Variants in LUZP2 observed in about 807,000 individuals in gnomAD.
LUZP2 encodes leucine zipper protein 2.
LUZP2 carries 52 observed loss-of-function variants against 51.6 expected under a neutral mutation model. The ratio of observed to expected loss-of-function variants is 1.01; its 90% CI spans 0.81 to 1.27. LUZP2 has a LOEUF of 1.27. Ranked by LOEUF, LUZP2 falls within the 50% of genes most tolerant of loss-of-function variation. The probability of loss-of-function intolerance (pLI) is 0.00; values close to 1 mark genes in which losing one functional copy is unlikely to be tolerated. For missense variants in LUZP2, 436 were observed against 395.4 expected (o/e 1.10, Z -0.87); for synonymous variants, 154 against 137.3 (o/e 1.12, Z -0.85).
intron 1 of LUZP2, among the ~76,000 whole-genome samples, chr11:24,704,691 A>G (rs1361079241): frequency 2.0e-5 from 3 of 152,136 alleles, no homozygotes; most frequent in Non-Finnish European, 4.4e-5. Context: ...GTTCAAATTC[A>G]TACATATACT....
intron 6 of LUZP2, among the ~76,000 whole-genome samples, chr11:24,909,857 G>A (rs991118710): frequency 3.9e-5 from 6 of 152,148 alleles, no homozygotes; most frequent in Non-Finnish European, 8.8e-5. Flanking sequence ...ACCTGAAAAT[G>A]TGGAAGCGAC....
chr11:24,934,810 A>C (rs1402052653), intron 7 of LUZP2, among the ~76,000 whole-genome samples: 1 of 152,134 alleles, frequency 6.6e-6, no homozygotes, highest in African/African-American at 2.4e-5. Context: ...TCATTCTCAT[A>C]TTTGAAGTAG....
intron 6 of LUZP2, among the ~76,000 whole-genome samples, chr11:24,910,008 T>A (rs1242532784): frequency 2.0e-5 from 3 of 152,084 alleles, no homozygotes; most frequent in Non-Finnish European, 4.4e-5. Context: ...GACAATGAAG[T>A]CCAGGCTGAG....
At chr11:25,048,452 TG>T (rs1468088371) in intron 9 of LUZP2, among the ~76,000 whole-genome samples, 4 of 152,196 alleles carry the variant, frequency 2.6e-5, no homozygotes, top group Non-Finnish European at 4.4e-5. Flanking sequence ...GAGTTACTTA[TG>T]TGAATAACAA....
At chr11:24,930,291 G>A (rs993616150) in intron 7 of LUZP2, among the ~76,000 whole-genome samples, 70 of 151,494 alleles carry the variant, frequency 4.6e-4, no homozygotes, top group Non-Finnish European at 6.6e-4. Context: ...GCCTGAATAC[G>A]TTTTTTTTCA....
At chr11:25,044,249 G>GTA (rs1858211221) in intron 9 of LUZP2, among the ~76,000 whole-genome samples, 1 of 70,512 alleles carries the variant, frequency 1.4e-5, no homozygotes, top group South Asian at 5.1e-4. Flanking sequence ...GTGTGTGTGT[G>GTA]TGTGTGTGTA....
At chr11:24,765,471 T>A (rs1367655780) in intron 5 of LUZP2, among the ~76,000 whole-genome samples, 1 of 152,122 alleles carries the variant, frequency 6.6e-6, no homozygotes, top group Non-Finnish European at 1.5e-5. Context: ...CATAAAGGGA[T>A]CCTGGATTTT....
intron 9 of LUZP2, among the ~76,000 whole-genome samples, chr11:25,023,397 C>A (rs2133977928): frequency 6.6e-6 from 1 of 152,148 alleles, no homozygotes; most frequent in East Asian, 1.9e-4. Flanking sequence ...AGGAATTTAA[C>A]CATTTCTTCT....
At chr11:24,805,995 A>G (rs1299945163) in intron 5 of LUZP2, among the ~76,000 whole-genome samples, 1 of 152,178 alleles carries the variant, frequency 6.6e-6, no homozygotes, top group Non-Finnish European at 1.5e-5. Context: ...CCTGTTGCAA[A>G]GAAATGTAGG....
intron 5 of LUZP2, among the ~76,000 whole-genome samples, chr11:24,854,495 T>C (rs1199189892): frequency 6.6e-6 from 1 of 152,164 alleles, no homozygotes; most frequent in African/African-American, 2.4e-5. Flanking sequence ...TACCAGGTTG[T>C]CTTCAGACTG....
intron 9 of LUZP2, among the ~76,000 whole-genome samples, chr11:25,024,969 C>T (rs1316508745): frequency 1.3e-5 from 2 of 151,308 alleles, no homozygotes. Context: ...TGGAACAGAA[C>T]AGAGCCCTCA....
intron 5 of LUZP2, among the ~76,000 whole-genome samples, chr11:24,843,058 G>A (rs1003016489): frequency 6.6e-6 from 1 of 151,796 alleles, no homozygotes; most frequent in Non-Finnish European, 1.5e-5. Context: ...GAGGATGTAA[G>A]TGCAAATGCC....
At chr11:24,598,155 AG>A (rs1207574240) in intron 1 of LUZP2, among the ~76,000 whole-genome samples, 1 of 151,912 alleles carries the variant, frequency 6.6e-6, no homozygotes. Flanking sequence ...TGTGCCCTGT[AG>A]ATAACAAAAT....
At chr11:24,728,021 A>G (rs1276499872) in intron 1 of LUZP2, among the ~76,000 whole-genome samples, 2 of 152,048 alleles carry the variant, frequency 1.3e-5, no homozygotes, top group Admixed American at 6.6e-5. Context: ...TTAATTACCT[A>G]TCATGGGTTC....
chr11:24,886,782 T>A (rs1852679464), intron 5 of LUZP2, among the ~76,000 whole-genome samples: 1 of 152,178 alleles, frequency 6.6e-6, no homozygotes, highest in South Asian at 2.1e-4. Context: ...TAGAATGCCA[T>A]CCATTTTCCT....
At chr11:24,558,637 A>G (rs779108267) in intron 1 of LUZP2, among the ~76,000 whole-genome samples, 3 of 152,174 alleles carry the variant, frequency 2.0e-5, no homozygotes, top group Non-Finnish European at 4.4e-5. Context: ...CTTTATCTCT[A>G]GTTCAATAGT....
chr11:24,835,626 G>T (rs1349874636), intron 5 of LUZP2, among the ~76,000 whole-genome samples: 2 of 152,044 alleles, frequency 1.3e-5, no homozygotes, highest in African/African-American at 4.8e-5. Flanking sequence ...GAGGAAAAAT[G>T]GCTTGTATAA....
intron 7 of LUZP2, among the ~76,000 whole-genome samples, chr11:24,971,065 T>C (rs916726807): frequency 6.6e-6 from 1 of 152,142 alleles, no homozygotes; most frequent in Non-Finnish European, 1.5e-5. Context: ...AAATGCTACA[T>C]ATTCTCACTT....
intron 1 of LUZP2, among the ~76,000 whole-genome samples, chr11:24,502,176 A>G (rs936246285): frequency 6.6e-6 from 1 of 152,186 alleles, no homozygotes; most frequent in African/African-American, 2.4e-5. Flanking sequence ...TGGTATTATT[A>G]ATATTATTTT....
Sources: allele counts gnomAD v4.1 joint callset (sites outside exome capture counted in the v4.1 genomes callset), GRCh38; gene constraint gnomAD v4.1.1; transcripts MANE v1.5; gene names NCBI Gene and HGNC (gene_info 2026-07-23, HGNC 2026-07-21).